JAK2: variants seen among roughly 807,000 people sequenced by gnomAD.
JAK2 encodes the protein tyrosine-protein kinase JAK2.
A neutral mutation model predicts 139.3 loss-of-function variants in JAK2; 86 were observed. The observed-to-expected ratio is 0.62, with a 90% CI of 0.52 to 0.74. The LOEUF is 0.74. Among genes scored for constraint, JAK2 ranks in the 30% least tolerant of loss-of-function variants. The probability of loss-of-function intolerance (pLI) is 0.00; values close to 1 mark genes in which losing one functional copy is unlikely to be tolerated. For missense variants in JAK2, 1,421 were observed against 1,360.3 expected (o/e 1.04, Z -0.70); for synonymous variants, 490 against 437.7 (o/e 1.12, Z -1.49).
At chr9:5,115,135 G>A (rs936166302) in intron 22 of JAK2, among the ~76,000 whole-genome samples, 5 of 152,086 alleles carry the variant, frequency 3.3e-5, no homozygotes, top group Non-Finnish European at 5.9e-5. Context: ...GCTACCTACA[G>A]AATGGGAAAA....
At chr9:5,026,585 TAAAA>T (rs1367282236) in intron 3 of JAK2, among the ~76,000 whole-genome samples, 1 of 152,200 alleles carries the variant, frequency 6.6e-6, no homozygotes, top group Admixed American at 6.5e-5. Flanking sequence ...TATATAGGAT[TAAAA>T]AAATTTTACA....
At chr9:5,036,171 G>A (rs867191235) in intron 4 of JAK2, among the ~76,000 whole-genome samples, 1 of 152,218 alleles carries the variant, frequency 6.6e-6, no homozygotes, top group African/African-American at 2.4e-5. Flanking sequence ...ACTTACAAGG[G>A]ATGTGAAGGA....
intron 2 of JAK2, among the ~76,000 whole-genome samples, chr9:5,001,048 G>A (rs1024456150): frequency 6.6e-6 from 1 of 152,182 alleles, no homozygotes; most frequent in Non-Finnish European, 1.5e-5. Context: ...TGTTTATTTT[G>A]TGATGTATCC....
intron 2 of JAK2, among the ~76,000 whole-genome samples, chr9:5,000,981 CA>C (rs1338252795): frequency 6.6e-6 from 1 of 152,008 alleles, no homozygotes; most frequent in African/African-American, 2.4e-5. Flanking sequence ...AGCAAAGCAT[CA>C]AAAATACAGA....
Position 5,126,155 on chromosome 9 carries a change from A to C in JAK2, c.3178-178A>C, listed in dbSNP as rs1823979549. ...ACAGCTATGGAAATGGAAATTATAG[A>C]AGTTCCATATTTAACAGCCTTATGT... On this transcript the variant is annotated intron_variant, in intron 23 of 24. Transcript: ENST00000381652. 1.0e-5 allele frequency: 5 copies of C among 496,354 alleles called. No individual in the cohort carries two copies. In the Admixed American group the frequency reaches 1.9e-4, roughly 19 times the overall value. The allele number at this position is 496,354 out of a possible 1,614,324, so 30.7% of individuals were successfully genotyped here.
chr9:5,021,927 C>G, intron 2 of JAK2, 36 bp from the exon 3 acceptor site: 2 of 1,296,264 alleles, frequency 1.5e-6, no homozygotes, highest in Non-Finnish European at 2.2e-6. Flanking sequence ...GACACTGCGC[C>G]CAGCCCATTT....
At position 5,057,759 on chromosome 9, in the gene JAK2, C is replaced by G. The variant is rs562911046; in HGVS notation, c.1056+1971C>G. On this transcript the variant is annotated intron_variant, in intron 8 of 24. Transcript: ENST00000381652. The stretch of plus-strand genomic sequence containing the variant: ...ACCATGCTTGGCTAATTTTTTGTAT[C>G]TTTAGTAGAGACGGGGTTTCACCAT... 1.7e-4 allele frequency among the ~76,000 whole-genome samples: 25 copies of G among 151,492 alleles called. 1 individual carries two copies. Among genetic ancestry groups the G allele is most frequent in the African/African-American group, 5.8e-4 (24 of 41,362 alleles).
At chr9:5,085,267 G>C (rs1819996415) in intron 19 of JAK2, 1 of 688,834 alleles carries the variant, frequency 1.5e-6, no homozygotes, top group Admixed American at 1.8e-5. Context: ...ATTCACATCA[G>C]CTGATGTTGG....
intron 2 of JAK2, among the ~76,000 whole-genome samples, chr9:4,990,494 A>G (rs1029308929): frequency 6.6e-6 from 1 of 152,174 alleles, no homozygotes; most frequent in African/African-American, 2.4e-5. Context: ...GGGACATATG[A>G]CTAGAATTTG....
intron 2 of JAK2, among the ~76,000 whole-genome samples, chr9:4,994,914 T>C (rs1820473597): frequency 6.6e-6 from 1 of 151,496 alleles, no homozygotes; most frequent in Non-Finnish European, 1.5e-5. Flanking sequence ...ATTCAAAAAG[T>C]AGTAAATATC....
At chr9:5,026,526 CAT>C (rs999893383) in intron 3 of JAK2, among the ~76,000 whole-genome samples, 26 of 152,230 alleles carry the variant, frequency 1.7e-4, no homozygotes, top group African/African-American at 6.0e-4. Flanking sequence ...ATAGTGAAAA[CAT>C]AACTAGAATA....
chr9:5,118,516 G>A (rs994076632), intron 22 of JAK2, among the ~76,000 whole-genome samples: 1 of 152,246 alleles, frequency 6.6e-6, no homozygotes, highest in Non-Finnish European at 1.5e-5. Context: ...AACAAATTTG[G>A]ATAATTGCTT....
chr9:5,007,827 A>G (rs988488943), intron 2 of JAK2, among the ~76,000 whole-genome samples: 1 of 151,850 alleles, frequency 6.6e-6, no homozygotes, highest in African/African-American at 2.4e-5. Flanking sequence ...TCCCAGGTTC[A>G]AGCAATTCTC....
At chr9:5,073,841 T>C in intron 14 of JAK2, 56 bp downstream of exon 14, 1 of 1,170,082 alleles carries the variant, frequency 8.5e-7, no homozygotes, top group Non-Finnish European at 1.3e-6. Flanking sequence ...TTTTTGTTTA[T>C]ATAGAAAATT....
At position 5,016,265 on chromosome 9, in the gene JAK2, T is replaced by C. The variant is rs531130311; in HGVS notation, c.-25-5698T>C. On this transcript the variant is annotated intron_variant, in intron 2 of 24. Transcript: ENST00000381652. ...CTTGTGACTGACTGGATCTGCATCG[T>C]ATCAGATACCTCCTCAAGGCAGGAA... 1.6e-3 allele frequency among the ~76,000 whole-genome samples: 250 copies of C among 152,294 alleles called. 1 individual carries two copies. Among genetic ancestry groups the C allele is most frequent in the Non-Finnish European group, 3.0e-3 (206 of 68,016 alleles).
chr9:5,064,897 C>G lies in JAK2; in HGVS notation c.1071C>G (p.Ser357Arg). Residue 357 changes from serine (S) to arginine (R), a missense_variant, in exon 9 of 25, where the codon AGC becomes AGG. Ser to Arg is a moderately radical substitution (Grantham distance 110). Coordinates refer to ENST00000381652, the MANE Select transcript of JAK2 (RefSeq NM_004972.4). ...TCTCTGCTTAGGAAATTGAACTTAG[C>G]TCATTAAGGGAAGCTTTGTCTTTCG... is the stretch of plus-strand genomic sequence containing the variant. Reference protein sequence around the residue: ...QDGKNLEIELSSLREALSFVS... With the variant: ...QDGKNLEIELRSLREALSFVS... 6.3e-7 allele frequency: 1 copy of G among 1,579,002 alleles called. No homozygotes were observed. Among genetic ancestry groups the G allele is most frequent in the African/African-American group, 1.4e-5 (1 of 73,278 alleles).
intron 2 of JAK2, among the ~76,000 whole-genome samples, chr9:5,009,110 T>C (rs974719034): frequency 3.9e-5 from 6 of 152,192 alleles, no homozygotes; most frequent in Non-Finnish European, 7.4e-5. Flanking sequence ...AGAGCAGCAT[T>C]TTCTATAACA....
chr9:5,008,537 G>T (rs1402321882), intron 2 of JAK2, among the ~76,000 whole-genome samples: 1 of 152,154 alleles, frequency 6.6e-6, no homozygotes, highest in Non-Finnish European at 1.5e-5. Context: ...GCAGCACTAA[G>T]GGCCCATTTG....
chr9:5,023,789 C>T (rs192130654), intron 3 of JAK2, among the ~76,000 whole-genome samples: 1 of 152,160 alleles, frequency 6.6e-6, no homozygotes, highest in East Asian at 1.9e-4. Context: ...TATGAGAGAC[C>T]TCTGGTCAGT....
Sources: allele counts gnomAD v4.1 joint callset (sites outside exome capture counted in the v4.1 genomes callset), GRCh38; gene constraint gnomAD v4.1.1; transcripts MANE v1.5; gene names NCBI Gene and HGNC (gene_info 2026-07-23, HGNC 2026-07-21).